NR3C2: variants seen among roughly 807,000 people sequenced by gnomAD.
NR3C2 encodes mineralocorticoid receptor.
Under a neutral mutation model 86.4 loss-of-function variants are expected in NR3C2, and 15 were observed. The observed-to-expected ratio is 0.17, with a 90% CI of 0.12 to 0.27. The LOEUF (loss-of-function observed/expected upper bound fraction) is 0.27, where lower values mean the gene tolerates loss of function less well. NR3C2 is among the 10% of genes least tolerant of loss of function. NR3C2 has a pLI of 1.00. For synonymous variants in NR3C2, 458 were observed against 450.5 expected (o/e 1.02, Z -0.21); for missense variants, 960 against 1,195.6 (o/e 0.80, Z 2.91).
intron 6 of NR3C2, among the ~76,000 whole-genome samples, chr4:148,127,034 C>T (rs947685273): frequency 1.7e-4 from 26 of 152,188 alleles, no homozygotes; most frequent in Admixed American, 6.5e-5. Context: ...TTATTACAGT[C>T]ACTCATTTGT....
At chr4:148,116,237 A>G (rs1732268224) in intron 7 of NR3C2, among the ~76,000 whole-genome samples, 1 of 152,236 alleles carries the variant, frequency 6.6e-6, no homozygotes, top group African/African-American at 2.4e-5. Flanking sequence ...TGATAGTTGT[A>G]GATCAAAAAT....
At chr4:148,186,676 A>G (rs957545043) in intron 4 of NR3C2, among the ~76,000 whole-genome samples, 5 of 151,950 alleles carry the variant, frequency 3.3e-5, no homozygotes, top group Non-Finnish European at 7.4e-5. Flanking sequence ...TAAGTTCTTT[A>G]GTGGTGATTT....
At chr4:148,091,784 A>G (rs1025270403) in intron 8 of NR3C2, among the ~76,000 whole-genome samples, 1 of 152,234 alleles carries the variant, frequency 6.6e-6, no homozygotes, top group African/African-American at 2.4e-5. Flanking sequence ...ATCATCAGAC[A>G]CTGTCCCCAG....
intron 2 of NR3C2, among the ~76,000 whole-genome samples, chr4:148,270,113 T>C (rs2149883575): frequency 6.6e-6 from 1 of 152,168 alleles, no homozygotes; most frequent in East Asian, 1.9e-4. Context: ...TTTCAAAAAG[T>C]TGATGTAAAA....
intron 2 of NR3C2, among the ~76,000 whole-genome samples, chr4:148,394,926 G>A (rs73854502): frequency 0.041 from 6,167 of 152,094 alleles, 389 homozygotes; most frequent in African/African-American, 0.14. Flanking sequence ...AAGGCATAGG[G>A]AGGAAAAAAA....
chr4:148,098,457 C>T (rs771008345), intron 8 of NR3C2, among the ~76,000 whole-genome samples: 1 of 150,052 alleles, frequency 6.7e-6, no homozygotes, highest in Admixed American at 6.6e-5. Context: ...GACTCACCAA[C>T]AAAATGCACA....
intron 2 of NR3C2, among the ~76,000 whole-genome samples, chr4:148,413,657 A>T (rs192203139): frequency 6.6e-6 from 1 of 152,300 alleles, no homozygotes; most frequent in Non-Finnish European, 1.5e-5. Context: ...CACAAGTAAT[A>T]TAGGTAAATA....
intron 2 of NR3C2, among the ~76,000 whole-genome samples, chr4:148,421,112 G>A (rs1749260283): frequency 6.6e-6 from 1 of 152,176 alleles, no homozygotes; most frequent in African/African-American, 2.4e-5. Flanking sequence ...ACTGAACAGA[G>A]CACATATATG....
At chr4:148,187,214 C>T (rs1179719300) in intron 4 of NR3C2, among the ~76,000 whole-genome samples, 3 of 151,762 alleles carry the variant, frequency 2.0e-5, no homozygotes, top group East Asian at 1.9e-4. Flanking sequence ...GACTTATTTT[C>T]CTCTGGGTAG....
At chr4:148,374,743 T>C (rs761982492) in intron 2 of NR3C2, among the ~76,000 whole-genome samples, 37 of 152,186 alleles carry the variant, frequency 2.4e-4, no homozygotes, top group Non-Finnish European at 4.1e-4. Context: ...ATTAAAAATA[T>C]ATGACACTAC....
chr4:148,443,026 G>C, upstream of NR3C2: 1 of 965,532 alleles, frequency 1.0e-6, no homozygotes, highest in Non-Finnish European at 1.2e-6. Flanking sequence ...CTCTGGGTGG[G>C]CTTCACCCGA....
chr4:148,359,089 G>T (rs1198385797), intron 2 of NR3C2, among the ~76,000 whole-genome samples: 3 of 152,064 alleles, frequency 2.0e-5, no homozygotes, highest in Non-Finnish European at 4.4e-5. Context: ...TCATTGAAAT[G>T]CTTCTGCTAA....
intron 2 of NR3C2, among the ~76,000 whole-genome samples, chr4:148,381,694 A>G (rs989593920): frequency 6.6e-6 from 1 of 152,212 alleles, no homozygotes; most frequent in Non-Finnish European, 1.5e-5. Flanking sequence ...AGTACTGCTT[A>G]TGGCAACAGT....
upstream of NR3C2, chr4:148,443,006 G>C: frequency 1.0e-6 from 1 of 984,444 alleles, no homozygotes; most frequent in Non-Finnish European, 1.2e-6. Flanking sequence ...GCGTCCGCGC[G>C]CGGGGAGGAC....
intron 2 of NR3C2, among the ~76,000 whole-genome samples, chr4:148,295,000 A>G (rs1428582508): frequency 6.6e-6 from 1 of 152,104 alleles, no homozygotes. Context: ...AAAAATAAAA[A>G]TAAAAATCTA....
intron 1 of NR3C2, among the ~76,000 whole-genome samples, chr4:148,440,680 G>A (rs562746214): frequency 2.0e-5 from 3 of 152,188 alleles, no homozygotes; most frequent in African/African-American, 4.8e-5. Context: ...GCTACTTTAA[G>A]CCATACATAT....
rs1338838622 is a variant in NR3C2 at position 148,108,127 on chromosome 4, C to G, written c.2799+5977G>C. Among the ~76,000 whole-genome samples the G allele has an allele frequency of 3.9e-5, 6 of 151,972 alleles. No homozygotes were observed. The East Asian group carries it at 1.2e-3, about 29-fold the overall frequency. ...TGTTTTTTGTTTTTTTTATTTGAGA[C>G]AGGTATTGCTCTGTCATCCAGGCTG... On this transcript the variant is annotated intron_variant, in intron 8 of 8. Coordinates refer to ENST00000358102, the MANE Select transcript of NR3C2 (RefSeq NM_000901.5).
chr4:148,329,405 A>T (rs978200015), intron 2 of NR3C2, among the ~76,000 whole-genome samples: 1 of 152,176 alleles, frequency 6.6e-6, no homozygotes, highest in Non-Finnish European at 1.5e-5. Context: ...ATTTTATACA[A>T]ATCATCTAAA....
intron 6 of NR3C2, among the ~76,000 whole-genome samples, chr4:148,126,740 G>A (rs1377088250): frequency 6.6e-6 from 1 of 152,136 alleles, no homozygotes; most frequent in Non-Finnish European, 1.5e-5. Context: ...CTCTTTGTGA[G>A]GTATTAACTA....
Sources: gnomAD v4.1 joint callset for allele counts (sites outside exome capture counted in the v4.1 genomes callset) on GRCh38, gnomAD v4.1.1 for gene constraint, MANE v1.5 for transcripts, NCBI Gene and HGNC (gene_info 2026-07-23, HGNC 2026-07-21) for gene names.